The following EFCAB13 variants were observed in gnomAD, a reference collection of about 807,000 sequenced individuals.
EFCAB13 encodes the protein EF-hand calcium-binding domain-containing protein 13.
Under a neutral mutation model 110.2 loss-of-function variants are expected in EFCAB13, and 91 were observed. The ratio of observed to expected loss-of-function variants is 0.83; its 90% CI spans 0.70 to 0.98. The LOEUF (loss-of-function observed/expected upper bound fraction) is 0.98. Among genes scored for constraint, EFCAB13 ranks in the 50% least tolerant of loss-of-function variants. EFCAB13 has a pLI of 0.00. For synonymous variants in EFCAB13, 323 were observed against 369.9 expected, an observed-to-expected ratio of 0.87 and a Z score of 1.45; for missense variants, 968 against 1,119.4, an observed-to-expected ratio of 0.86 and a Z score of 1.93.
chr17:47,372,108 G>T (rs1196367369), intron 11 of EFCAB13, among the ~76,000 whole-genome samples: 1 of 152,074 alleles, frequency 6.6e-6, no homozygotes, highest in East Asian at 1.9e-4. Context: ...TGATATGGAA[G>T]GATTTTACTA....
At chr17:47,424,216 A>AG (rs950675201) in intron 23 of EFCAB13, among the ~76,000 whole-genome samples, 3 of 152,148 alleles carry the variant, frequency 2.0e-5, no homozygotes, top group East Asian at 1.9e-4. Flanking sequence ...CAGGCTGTGC[A>AG]GGGGGGCTGC....
intron 9 of EFCAB13, among the ~76,000 whole-genome samples, chr17:47,357,178 C>T (rs914113657): frequency 5.9e-5 from 9 of 152,182 alleles, no homozygotes; most frequent in Non-Finnish European, 7.4e-5. Context: ...GAAAGCAAGC[C>T]GACTCACAGT....
rs527733094 is a variant in EFCAB13, at chr17:47,360,697, G to A, written c.662-681G>A. Among the ~76,000 whole-genome samples, 9 of 152,196 alleles carry A rather than the reference G, an allele frequency of 5.9e-5. No homozygotes were observed. In the South Asian group the frequency reaches 8.3e-4, roughly 14 times the overall value. On this transcript the variant is annotated intron_variant, in intron 9 of 24. Transcript: ENST00000331493. ...TTGGTGTTTTAGACATGAAGTCCTC[G>A]CCCATGCCTATGTCCTGAATGGTAA...
intron 10 of EFCAB13, among the ~76,000 whole-genome samples, chr17:47,364,680 C>T (rs1162806809): frequency 1.3e-5 from 2 of 152,168 alleles, no homozygotes; most frequent in Admixed American, 1.3e-4. Context: ...CAAGTATACC[C>T]CTGTCCACTC....
At chr17:47,340,766 ATTTTTTTTTTTTTT>A (rs58304526) in intron 5 of EFCAB13, among the ~76,000 whole-genome samples, 1 of 53,992 alleles carries the variant, frequency 1.9e-5, no homozygotes, top group Admixed American at 2.4e-4. Context: ...CACCTGGCTA[ATTTTTTTTTTTTTT>A]TTTTTTTTTT....
At chr17:47,391,832 A>T (rs892412063) in intron 15 of EFCAB13, among the ~76,000 whole-genome samples, 2 of 151,910 alleles carry the variant, frequency 1.3e-5, no homozygotes, top group Non-Finnish European at 2.9e-5. Flanking sequence ...TCTTTTCAAG[A>T]TTTTTTTTCC....
intron 6 of EFCAB13, among the ~76,000 whole-genome samples, chr17:47,343,454 A>C (rs146815547): frequency 1.3e-5 from 2 of 152,138 alleles, no homozygotes; most frequent in African/African-American, 4.8e-5. Context: ...CTGGGGAATA[A>C]GTTTTTTCCT....
intron 5 of EFCAB13, among the ~76,000 whole-genome samples, chr17:47,337,612 T>TA (rs1243401005): frequency 6.6e-6 from 1 of 152,206 alleles, no homozygotes; most frequent in Non-Finnish European, 1.5e-5. Flanking sequence ...TTTACCTAAA[T>TA]AAGGAAACTG....
chr17:47,332,494 TG>T lies in EFCAB13; in HGVS notation c.31-2701del, dbSNP rs745917960. 8.2e-4 allele frequency among the ~76,000 whole-genome samples: 125 copies of T among 152,250 alleles called. 3 individuals are homozygous for T. The highest frequency in any genetic ancestry group is 2.2e-4 in the Non-Finnish European group (15 of 67,996). ...ACCAATGCATTAGATCACTAAAACT[TG>T]TTCCTCCAGTCTAACTGAAACTCTG... On this transcript the variant is annotated intron_variant, in intron 4 of 24. Transcript: ENST00000331493.
intron 23 of EFCAB13, among the ~76,000 whole-genome samples, chr17:47,422,455 T>G (rs1453478562): frequency 6.6e-6 from 1 of 152,170 alleles, no homozygotes; most frequent in Non-Finnish European, 1.5e-5. Flanking sequence ...CCATTACTCA[T>G]TGCCAATATA....
At chr17:47,409,267 T>C (rs2065821197) in intron 20 of EFCAB13, 1 of 172,516 alleles carries the variant, frequency 5.8e-6, no homozygotes, top group Non-Finnish European at 1.3e-5. Context: ...TTAGGAAAAA[T>C]TCTGGGACTA....
chr17:47,390,009 G>A (rs1035079259), intron 14 of EFCAB13, among the ~76,000 whole-genome samples: 8 of 152,038 alleles, frequency 5.3e-5, no homozygotes, highest in Admixed American at 2.6e-4. Flanking sequence ...GAATCATCAA[G>A]TTCAGACATC....
chr17:47,417,484 G>A (rs1483922428), intron 23 of EFCAB13, among the ~76,000 whole-genome samples: 4 of 152,144 alleles, frequency 2.6e-5, no homozygotes, highest in Non-Finnish European at 5.9e-5. Context: ...ATGAATAATT[G>A]GAACTCTTCT....
At chr17:47,387,562 C>T (rs2065683296) in intron 14 of EFCAB13, among the ~76,000 whole-genome samples, 1 of 152,034 alleles carries the variant, frequency 6.6e-6, no homozygotes, top group Non-Finnish European at 1.5e-5. Flanking sequence ...ACTTGGTGAC[C>T]TTCTTTGTCT....
intron 21 of EFCAB13, among the ~76,000 whole-genome samples, chr17:47,410,667 A>G (rs1436025129): frequency 6.6e-6 from 1 of 152,236 alleles, no homozygotes; most frequent in Non-Finnish European, 1.5e-5. Context: ...AGCAAGTTAC[A>G]TGCTTCCAAA....
At chr17:47,371,244 T>A (rs562921103) in intron 11 of EFCAB13, among the ~76,000 whole-genome samples, 377 of 152,202 alleles carry the variant, frequency 2.5e-3, no homozygotes, top group Non-Finnish European at 4.0e-3. Flanking sequence ...GTCTCATTTG[T>A]CTATGTTTGT....
At chr17:47,342,739 T>C (rs1303847700) in intron 6 of EFCAB13, among the ~76,000 whole-genome samples, 1 of 152,148 alleles carries the variant, frequency 6.6e-6, no homozygotes, top group Non-Finnish European at 1.5e-5. Flanking sequence ...TCCCTTTGTA[T>C]CTTCTGTTAG....
intron 10 of EFCAB13, among the ~76,000 whole-genome samples, chr17:47,367,166 CA>C (rs2065551538): frequency 6.6e-6 from 1 of 152,066 alleles, no homozygotes; most frequent in South Asian, 2.1e-4. Flanking sequence ...AATAAGAAAC[CA>C]AAATGTAGGA....
rs140772791 is a variant in EFCAB13, at chr17:47,351,279, C to CTGTGTGTGTGTGTGTGTGTGTG, written c.661+3333_661+3354dup. ...TTTTCTGTGGCTGACTAGTATTCCA[C>CTGTGTGTGTGTGTGTGTGTGTG]TGTGTGTGTGTGTGTGTGTGTGTGT... On this transcript the variant is annotated intron_variant, in intron 9 of 24. Coordinates refer to ENST00000331493, the MANE Select transcript of EFCAB13 (RefSeq NM_152347.5). Among the ~76,000 whole-genome samples, 612 of 127,928 alleles carry CTGTGTGTGTGTGTGTGTGTGTG rather than the reference C, an allele frequency of 4.8e-3. 5 individuals are homozygous for CTGTGTGTGTGTGTGTGTGTGTG. Among genetic ancestry groups the CTGTGTGTGTGTGTGTGTGTGTG allele is most frequent in the Non-Finnish European group, 7.0e-3 (428 of 60,916 alleles). The allele number at this position is 127,928 out of a possible 152,430, so 83.9% of individuals were successfully genotyped here.
Sources: allele counts gnomAD v4.1 joint callset (sites outside exome capture counted in the v4.1 genomes callset), GRCh38; gene constraint gnomAD v4.1.1; transcripts MANE v1.5; gene names NCBI Gene and HGNC (gene_info 2026-07-23, HGNC 2026-07-21).